The following SAMTOR variants were observed in gnomAD, a reference collection of about 807,000 sequenced individuals.
SAMTOR encodes the protein UPF0532 protein C7orf60.
At chr7:112,912,442 T>C in the SAMTOR span, among the ~76,000 whole-genome samples, 1 of 152,050 alleles carries the variant, frequency 6.6e-6, no homozygotes, top group Non-Finnish European at 1.5e-5. Flanking sequence ...ATATAACATA[T>C]TCCCATAAGT....
the SAMTOR span, among the ~76,000 whole-genome samples, chr7:112,893,623 T>C: frequency 2.0e-5 from 3 of 152,220 alleles, no homozygotes. Flanking sequence ...GTTCACTGAA[T>C]AGCACTTTCA....
chr7:112,856,254 CT>C, the SAMTOR span, among the ~76,000 whole-genome samples: 337 of 141,880 alleles, frequency 2.4e-3, no homozygotes, highest in African/African-American at 6.9e-3. Flanking sequence ...CTTTTTTTTT[CT>C]TTTTTTTTTT....
At chr7:112,822,120 G>A in the SAMTOR span, 1 of 1,613,842 alleles carries the variant, frequency 6.2e-7, no homozygotes, top group South Asian at 1.1e-5. Context: ...GTTCTGATGG[G>A]AGGAATCAGG....
At chr7:112,854,789 T>C in the SAMTOR span, among the ~76,000 whole-genome samples, 2 of 152,178 alleles carry the variant, frequency 1.3e-5, no homozygotes, top group Non-Finnish European at 2.9e-5. Context: ...GAATAGAGGC[T>C]TCTTAACAAA....
chr7:112,853,404 C>T, the SAMTOR span, among the ~76,000 whole-genome samples: 3 of 151,938 alleles, frequency 2.0e-5, no homozygotes, highest in Non-Finnish European at 1.5e-5. Context: ...AGTTCAAGAT[C>T]GTATTTCTTT....
At chr7:112,892,733 C>T in the SAMTOR span, among the ~76,000 whole-genome samples, 1 of 151,576 alleles carries the variant, frequency 6.6e-6, no homozygotes, top group South Asian at 2.1e-4. Flanking sequence ...GATCATGCCA[C>T]TCCACTCCAG....
At chr7:112,840,780 G>T in the SAMTOR span, among the ~76,000 whole-genome samples, 1 of 151,812 alleles carries the variant, frequency 6.6e-6, no homozygotes, top group East Asian at 1.9e-4. Flanking sequence ...GGGATGCAAG[G>T]CTGGCTCAAC....
At chr7:112,913,301 T>A in the SAMTOR span, among the ~76,000 whole-genome samples, 2 of 152,172 alleles carry the variant, frequency 1.3e-5, no homozygotes, top group Non-Finnish European at 2.9e-5. Context: ...TTCCCTTACA[T>A]ATCATAATCA....
the SAMTOR span, among the ~76,000 whole-genome samples, chr7:112,871,004 C>T: frequency 6.6e-6 from 1 of 152,082 alleles, no homozygotes; most frequent in Non-Finnish European, 1.5e-5. Flanking sequence ...ATATAGCACC[C>T]AATGTTGGAG....
the SAMTOR span, among the ~76,000 whole-genome samples, chr7:112,924,734 C>T: frequency 0.011 from 1,615 of 152,108 alleles, 39 homozygotes; most frequent in South Asian, 0.073. Context: ...AAAAATTCCT[C>T]AGTTTTAGAA....
At chr7:112,919,584 G>A in the SAMTOR span, among the ~76,000 whole-genome samples, 9 of 152,146 alleles carry the variant, frequency 5.9e-5, no homozygotes, top group East Asian at 1.7e-3. Context: ...CAGAAGGCAA[G>A]AAATAACTAA....
chr7:112,869,565 TAA>T, the SAMTOR span, among the ~76,000 whole-genome samples: 1 of 143,080 alleles, frequency 7.0e-6, no homozygotes, highest in African/African-American at 2.6e-5. Context: ...GCATAAAAAT[TAA>T]AAAAAAAAAC....
At chr7:112,900,121 CATATAT>C in the SAMTOR span, among the ~76,000 whole-genome samples, 4 of 150,432 alleles carry the variant, frequency 2.7e-5, no homozygotes, top group African/African-American at 9.8e-5. Flanking sequence ...TATATCTGTA[CATATAT>C]ATATATATAA....
At chr7:112,915,493 C>A in the SAMTOR span, 2 of 1,445,156 alleles carry the variant, frequency 1.4e-6, no homozygotes, top group Admixed American at 2.4e-5. Context: ...TGAAACATGT[C>A]AGACTCTTGA....
At chr7:112,932,832 C>T in the SAMTOR span, among the ~76,000 whole-genome samples, 1 of 152,150 alleles carries the variant, frequency 6.6e-6, no homozygotes, top group Non-Finnish European at 1.5e-5. Context: ...CAAGAGTTTA[C>T]ATTACAATAA....
At chr7:112,826,251 T>C in the SAMTOR span, among the ~76,000 whole-genome samples, 1 of 152,176 alleles carries the variant, frequency 6.6e-6, no homozygotes, top group Non-Finnish European at 1.5e-5. Context: ...GTATTATTTC[T>C]TCTGTAAATA....
At chr7:112,894,326 G>C in the SAMTOR span, among the ~76,000 whole-genome samples, 2 of 152,038 alleles carry the variant, frequency 1.3e-5, no homozygotes, top group African/African-American at 4.8e-5. Flanking sequence ...TGTCTTATAT[G>C]GTGCCCCTAA....
At chr7:112,902,431 AAAAAAAACAAAAAAAAAC>A in the SAMTOR span, among the ~76,000 whole-genome samples, 38 of 110,568 alleles carry the variant, frequency 3.4e-4, 6 homozygotes, top group East Asian at 2.8e-3. Flanking sequence ...AAAAAAAACA[AAAAAAAACAAAAAAAAAC>A]AAAAAAAAAA....
the SAMTOR span, among the ~76,000 whole-genome samples, chr7:112,891,518 G>A: frequency 6.6e-6 from 1 of 152,132 alleles, no homozygotes; most frequent in African/African-American, 2.4e-5. Flanking sequence ...GCATTTTTAA[G>A]TAATTAACAA....
Sources: gnomAD v4.1 joint callset for allele counts (sites outside exome capture counted in the v4.1 genomes callset) on GRCh38, gnomAD v4.1.1 for gene constraint, MANE v1.5 for transcripts, NCBI Gene and HGNC (gene_info 2026-07-23, HGNC 2026-07-21) for gene names.